Variants in ZMYM2 observed in about 807,000 individuals in gnomAD.
The protein encoded by ZMYM2 is zinc finger MYM-type containing 2, also known as zinc finger MYM-type protein 2.
A neutral mutation model predicts 162.8 loss-of-function variants in ZMYM2; 56 were observed. The ratio of observed to expected loss-of-function variants is 0.34; its 90% CI spans 0.28 to 0.43. ZMYM2 has a LOEUF of 0.43. ZMYM2 is among the 20% of genes least tolerant of loss of function. The pLI, the probability that ZMYM2 is intolerant of heterozygous loss-of-function variation, is 1.00. For synonymous variants in ZMYM2, 510 were observed against 541.6 expected (o/e 0.94, Z 0.81); for missense variants, 1,275 against 1,621.8 (o/e 0.79, Z 3.67).
At chr13:19,942,294 ATGT>A in the ZMYM2 span, among the ~76,000 whole-genome samples, 151,677 of 151,872 alleles carry the variant, frequency 1, 75,742 homozygotes, top group Middle Eastern at 1. Flanking sequence ...TAATTTTAGT[ATGT>A]ATTTATTATA....
upstream of ZMYM2, among the ~76,000 whole-genome samples, chr13:19,955,898 G>T (rs564321548): frequency 6.6e-6 from 1 of 152,204 alleles, no homozygotes; most frequent in African/African-American, 2.4e-5. Context: ...TTTTGCTCAC[G>T]TCTTGCAGCT....
At chr13:20,039,404 CTG>C (rs986173662) in intron 12 of ZMYM2, among the ~76,000 whole-genome samples, 5 of 151,476 alleles carry the variant, frequency 3.3e-5, no homozygotes, top group Non-Finnish European at 7.4e-5. Context: ...ATGATGTTCG[CTG>C]TGTGTTTGTC....
At chr13:20,080,629 A>G (rs1388950423) in intron 21 of ZMYM2, among the ~76,000 whole-genome samples, 1 of 152,080 alleles carries the variant, frequency 6.6e-6, no homozygotes, top group East Asian at 1.9e-4. Context: ...CGCTGGAGCT[A>G]CAGGCACATG....
At chr13:19,978,740 C>T (rs9579754) in intron 2 of ZMYM2, among the ~76,000 whole-genome samples, 15,467 of 152,138 alleles carry the variant, frequency 0.1, 1,300 homozygotes, top group African/African-American at 0.22. Flanking sequence ...GTGCCTTTAT[C>T]TTTTATATCA....
At chr13:20,029,338 C>T (rs1952866629) in intron 9 of ZMYM2, among the ~76,000 whole-genome samples, 1 of 152,212 alleles carries the variant, frequency 6.6e-6, no homozygotes, top group Non-Finnish European at 1.5e-5. Flanking sequence ...ATCACCTTTT[C>T]AAAGCCCCTA....
chr13:19,980,109 T>A (rs1957182210), intron 2 of ZMYM2, among the ~76,000 whole-genome samples: 1 of 152,020 alleles, frequency 6.6e-6, no homozygotes, highest in African/African-American at 2.4e-5. Context: ...TTAAATTTTT[T>A]ATTAAATAAT....
chr13:19,990,662 A>G (rs182380754), intron 2 of ZMYM2, among the ~76,000 whole-genome samples: 53 of 152,320 alleles, frequency 3.5e-4, no homozygotes, highest in African/African-American at 1.2e-3. Context: ...TGCCTCTACC[A>G]CTGTCATCTG....
intron 4 of ZMYM2, among the ~76,000 whole-genome samples, chr13:20,004,848 A>C (rs1471764892): frequency 6.6e-6 from 1 of 152,182 alleles, no homozygotes; most frequent in East Asian, 1.9e-4. Flanking sequence ...TTTAAAGATA[A>C]ATTGAGTAGC....
In ZMYM2 at chr13:20,087,969, T is replaced by A. The variant is rs1339234970; in HGVS notation, c.*1955T>A. 5.1e-6 allele frequency: 1 copy of A among 195,456 alleles called. No individual in the cohort carries two copies. Among genetic ancestry groups the A allele is most frequent in the Non-Finnish European group, 1.1e-5 (1 of 93,848 alleles). The allele number at this position is 195,456 out of a possible 1,614,324, so 12.1% of individuals were successfully genotyped here. A position where few individuals can be genotyped will look rare whatever the true frequency, so the allele number is the denominator to read the frequency against. ...TTTTAGTCTTCAAAGTGGTGCTATA[T>A]TCCATCAAGAGCAATAAAGTTTTTC... On this transcript the variant is annotated 3_prime_UTR_variant, in exon 25 of 25. Transcript: ENST00000610343.
intron 2 of ZMYM2, among the ~76,000 whole-genome samples, chr13:19,984,253 C>T (rs1361802849): frequency 6.6e-6 from 1 of 152,032 alleles, no homozygotes; most frequent in Non-Finnish European, 1.5e-5. Context: ...ATTGTTTTTT[C>T]ATGACAACAT....
chr13:20,003,040 A>G lies in ZMYM2; in HGVS notation c.1038A>G (p.Gln346=), dbSNP rs1950503652. 1.9e-6 allele frequency: 3 copies of G among 1,614,100 alleles called. No individual in the cohort carries two copies. Among genetic ancestry groups the G allele is most frequent in the Non-Finnish European group, 2.5e-6 (3 of 1,180,046 alleles). ...KPLQKGQTAY[Q]RKGSAHLFCS... is the part of the protein sequence containing the mutation. ...TACAGAAGGGCCAGACAGCTTATCA[A>G]CGAAAAGGATCAGCTCACCTCTTTT... The change falls in exon 4 of 25, where the codon CAA becomes CAG. Residue 346 remains glutamine, a synonymous_variant. Transcript: ENST00000610343.
the ZMYM2 span, among the ~76,000 whole-genome samples, chr13:19,948,625 A>G: frequency 6.6e-6 from 1 of 152,188 alleles, no homozygotes; most frequent in South Asian, 2.1e-4. Context: ...ATAGGAAGGG[A>G]TGAACAACAC....
intron 6 of ZMYM2, among the ~76,000 whole-genome samples, chr13:20,008,119 A>G (rs1201397049): frequency 6.6e-6 from 1 of 152,062 alleles, no homozygotes; most frequent in East Asian, 1.9e-4. Flanking sequence ...ATAACTAACT[A>G]TAATTGTTGT....
chr13:19,983,147 C>G (rs1250405414), intron 2 of ZMYM2, among the ~76,000 whole-genome samples: 3 of 141,984 alleles, frequency 2.1e-5, no homozygotes, highest in Non-Finnish European at 4.6e-5. Flanking sequence ...CCCACTTTCA[C>G]TTTTTTTTTT....
intron 17 of ZMYM2, 120 bp downstream of exon 17, chr13:20,061,344 ATTG>A: frequency 8.8e-7 from 1 of 1,131,348 alleles, no homozygotes; most frequent in South Asian, 1.9e-5. Flanking sequence ...TGAGGAAAGC[ATTG>A]TAACAAAAAT....
chr13:20,006,573 G>C lies in ZMYM2; in HGVS notation c.1499G>C (p.Ser500Thr), dbSNP rs1052409046. 1.2e-6 allele frequency: 2 copies of C among 1,613,770 alleles called. No homozygotes were observed. Among genetic ancestry groups the C allele is most frequent in the Non-Finnish European group, 1.7e-6 (2 of 1,179,802 alleles). Reference sequence around the variant, plus strand: ...AGATTTTGCTGTCAAAGTTGTGTCAGTGAATACAAACAGGTAATTCATGTT... The same window carrying C: ...AGATTTTGCTGTCAAAGTTGTGTCACTGAATACAAACAGGTAATTCATGTT... ...QKRFCCQSCVSEYKQVGSHPS... is the reference protein window; with the variant it reads ...QKRFCCQSCVTEYKQVGSHPS... Residue 500 changes from serine (S) to threonine (T), a missense_variant, in exon 6 of 25, where the codon AGT (serine) becomes ACT (threonine). Transcript: ENST00000610343.
the ZMYM2 span, among the ~76,000 whole-genome samples, chr13:19,905,162 C>T: frequency 3.8e-4 from 58 of 152,090 alleles, no homozygotes; most frequent in South Asian, 0.011. Flanking sequence ...CAGTCATGCA[C>T]CACCACGCTC....
rs1195068603 is a variant in ZMYM2 at position 20,003,154 on chromosome 13, C to T, written c.1133+19C>T. On this transcript the variant is annotated intron_variant, in intron 4 of 24. Transcript: ENST00000610343. ...GTAAAAAGTAAGGTTTACCTTTCAA[C>T]ATAATTACATATAGTTGAATTTTGG... is the stretch of plus-strand genomic sequence containing the variant. The T allele has an allele frequency of 1.2e-6, 2 of 1,600,142 alleles. No individual in the cohort carries two copies. Among genetic ancestry groups the T allele is most frequent in the East Asian group, 4.5e-5 (2 of 44,634 alleles).
chr13:19,990,135 A>G (rs1566232855), intron 2 of ZMYM2, among the ~76,000 whole-genome samples: 1 of 152,126 alleles, frequency 6.6e-6, no homozygotes, highest in African/African-American at 2.4e-5. Flanking sequence ...GTAAAATCCA[A>G]ACTTTCACCT....
Sources: allele counts gnomAD v4.1 joint callset (sites outside exome capture counted in the v4.1 genomes callset), GRCh38; gene constraint gnomAD v4.1.1; transcripts MANE v1.5; gene names NCBI Gene and HGNC (gene_info 2026-07-23, HGNC 2026-07-21).